The following PPP2R5A variants were observed in gnomAD, a reference collection of about 807,000 sequenced individuals.
The protein encoded by PPP2R5A is serine/threonine-protein phosphatase 2A 56 kDa regulatory subunit alpha isoform.
PPP2R5A carries 25 observed loss-of-function variants against 64.2 expected under a neutral mutation model. The observed-to-expected ratio is 0.39, with a 90% confidence interval of 0.28 to 0.54. The LOEUF is 0.54. Ranked by LOEUF, PPP2R5A falls within the 20% of genes least tolerant of loss-of-function variation. The probability of loss-of-function intolerance (pLI) is 0.67; values close to 1 mark genes in which losing one functional copy is unlikely to be tolerated. For missense variants in PPP2R5A, 425 were observed against 576.3 expected (o/e 0.74, Z 2.69); for synonymous variants, 198 against 201.2 (o/e 0.98, Z 0.13).
At chr1:212,333,408 C>G in intron 2 of PPP2R5A, 89 bp from the exon 3 acceptor site, 2 of 800,608 alleles carry the variant, frequency 2.5e-6, no homozygotes, top group South Asian at 3.3e-5. Context: ...TAACTTTTTT[C>G]TGAAAGTGAT....
rs763322752 is a variant in PPP2R5A, at chr1:212,358,734, G to T, written c.1275G>T (p.Met425Ile). The change falls in exon 12 of 13, where the codon ATG becomes ATT. Residue 425 changes from methionine to isoleucine, a missense_variant. Physicochemically the swap from Met to Ile is conservative, Grantham distance 10. Transcript: ENST00000261461. ...ATGTGCTGAAAACCCTAATGGAAAT[G>T]AATGGCAAGCTTTTCGATGACCTTA... ...VYNVLKTLME[M>I]NGKLFDDLTS... is the part of the protein sequence containing the mutation. 1 of 1,613,680 alleles carries T rather than the reference G, an allele frequency of 6.2e-7. No individual in the cohort carries two copies. Among genetic ancestry groups the T allele is most frequent in the South Asian group, 1.1e-5 (1 of 91,036 alleles).
chr1:212,311,924 G>T (rs1223154208), intron 1 of PPP2R5A, among the ~76,000 whole-genome samples: 1 of 152,136 alleles, frequency 6.6e-6, no homozygotes. Context: ...ATTGGAGAAA[G>T]AAAATGTTTT....
intron 1 of PPP2R5A, among the ~76,000 whole-genome samples, chr1:212,287,975 G>T (rs1432628892): frequency 3.3e-5 from 5 of 152,046 alleles, no homozygotes; most frequent in African/African-American, 1.2e-4. Context: ...TAAACATTTG[G>T]TTGGTTTCAA....
Position 212,333,477 on chromosome 1 carries a change from A to C in PPP2R5A, c.379-20A>C. 7.0e-7 allele frequency: 1 copy of C among 1,434,914 alleles called. No individual in the cohort carries two copies. Among genetic ancestry groups the C allele is most frequent in the Non-Finnish European group, 9.4e-7 (1 of 1,059,912 alleles). 88.9% of individuals were successfully genotyped at this position (1,434,914 alleles called of 1,614,324 possible). A position where few individuals can be genotyped will look rare whatever the true frequency, so the allele number is the denominator to read the frequency against. On this transcript the variant is annotated intron_variant, in intron 2 of 12. Coordinates refer to ENST00000261461, the MANE Select transcript of PPP2R5A (RefSeq NM_006243.4). ...AATTACACATACAACAACGAACGTAAAATTATTTTTTCTTTACAGATCAGT... is the reference window on the plus strand; with the variant it reads ...AATTACACATACAACAACGAACGTACAATTATTTTTTCTTTACAGATCAGT...
At chr1:212,322,976 C>T (rs997681625) in intron 1 of PPP2R5A, among the ~76,000 whole-genome samples, 5 of 152,030 alleles carry the variant, frequency 3.3e-5, no homozygotes, top group African/African-American at 2.4e-5. Context: ...TTAGTAGAGA[C>T]GGTGTTTCAC....
At chr1:212,330,809 A>ATTGTTGGGT (rs893204165) in intron 2 of PPP2R5A, among the ~76,000 whole-genome samples, 2 of 151,880 alleles carry the variant, frequency 1.3e-5, no homozygotes, top group African/African-American at 4.8e-5. Context: ...GAAATTTTTG[A>ATTGTTGGGT]TTGTTGGGTT....
chr1:212,331,057 A>G (rs1197826220), intron 2 of PPP2R5A, among the ~76,000 whole-genome samples: 2 of 151,074 alleles, frequency 1.3e-5, no homozygotes, highest in African/African-American at 4.9e-5. Context: ...AATCCCAACT[A>G]TTTGGGAGGC....
chr1:212,356,491 G>A lies in PPP2R5A; in HGVS notation c.928-135G>A. 3 of 772,268 alleles carry A rather than the reference G, an allele frequency of 3.9e-6. No homozygotes were observed. The Admixed American group carries it at 9.8e-5, about 25-fold the overall frequency. 47.8% of individuals were successfully genotyped at this position (772,268 alleles called of 1,614,324 possible). On this transcript the variant is annotated intron_variant, in intron 8 of 12. Transcript: ENST00000261461. ...ATAAAATTCTAAAGCTGAGCAGAAA[G>A]TCTATTTATACACATATATTAAGCA...
chr1:212,323,017 A>T (rs1659339009), intron 1 of PPP2R5A, among the ~76,000 whole-genome samples: 1 of 152,016 alleles, frequency 6.6e-6, no homozygotes, highest in Non-Finnish European at 1.5e-5. Flanking sequence ...CGATCTCCTG[A>T]CCTCGTGATC....
intron 1 of PPP2R5A, among the ~76,000 whole-genome samples, chr1:212,324,071 CAA>C (rs113062943): frequency 2.3e-5 from 3 of 129,974 alleles, no homozygotes; most frequent in Non-Finnish European, 1.7e-5. Context: ...GACTCCATCT[CAA>C]AAAAAAAAAA....
chr1:212,337,628 G>A (rs6696716), intron 3 of PPP2R5A, among the ~76,000 whole-genome samples: 11,472 of 152,042 alleles, frequency 0.075, 1,411 homozygotes, highest in African/African-American at 0.26. Flanking sequence ...AAAATAAAAA[G>A]GAATATCTTT....
chr1:212,320,934 G>A (rs1290944488), intron 1 of PPP2R5A, among the ~76,000 whole-genome samples: 8 of 107,962 alleles, frequency 7.4e-5, no homozygotes, highest in South Asian at 3.6e-4. Context: ...TGGCCGGGCG[G>A]GGGGCTGACC....
chr1:212,336,107 C>T (rs1053433932), intron 3 of PPP2R5A, among the ~76,000 whole-genome samples: 3 of 151,894 alleles, frequency 2.0e-5, no homozygotes, highest in Non-Finnish European at 4.4e-5. Flanking sequence ...ATGATTTTTT[C>T]TTTTTTTATT....
intron 1 of PPP2R5A, among the ~76,000 whole-genome samples, chr1:212,319,774 C>T (rs1243227526): frequency 6.6e-6 from 1 of 151,516 alleles, no homozygotes; most frequent in Non-Finnish European, 1.5e-5. Flanking sequence ...GTGTGCGCCA[C>T]TACACCCGGC....
chr1:212,359,276 G>A (rs1392137309), intron 12 of PPP2R5A, among the ~76,000 whole-genome samples: 2 of 152,182 alleles, frequency 1.3e-5, no homozygotes, highest in Non-Finnish European at 2.9e-5. Context: ...GTTAGCAGTA[G>A]GTAATTCTTA....
intron 1 of PPP2R5A, among the ~76,000 whole-genome samples, chr1:212,314,905 C>T (rs1021231137): frequency 1.3e-5 from 2 of 151,982 alleles, no homozygotes; most frequent in African/African-American, 2.4e-5. Context: ...CAAGTTCTTG[C>T]TGTGTTGCCC....
chr1:212,301,913 A>T, intron 1 of PPP2R5A: 1 of 1,325,702 alleles, frequency 7.5e-7, no homozygotes, highest in Non-Finnish European at 9.7e-7. Flanking sequence ...CCTCTAAGGA[A>T]AATTATAGTT....
rs1660071094 is a variant in PPP2R5A at position 212,360,995 on chromosome 1, G to GAAGT, written c.*226_*229dup. The GAAGT allele has an allele frequency of 3.2e-6, 1 of 317,218 alleles. No homozygotes were observed. Among genetic ancestry groups the GAAGT allele is most frequent in the South Asian group, 1.5e-4 (1 of 6,730 alleles). The allele number at this position is 317,218 out of a possible 1,614,324, so 19.7% of individuals were successfully genotyped here. The stretch of plus-strand genomic sequence containing the variant: ...TCATTGGATTTATTGTGTCACTTCT[G>GAAGT]AAGTTTCACAGAAATGAATGAATTT... On this transcript the variant is annotated 3_prime_UTR_variant, in exon 13 of 13. Transcript: ENST00000261461.
intron 1 of PPP2R5A, among the ~76,000 whole-genome samples, chr1:212,305,361 C>A (rs1262251521): frequency 6.6e-6 from 1 of 151,672 alleles, no homozygotes; most frequent in Non-Finnish European, 1.5e-5. Flanking sequence ...TTTCTAACTT[C>A]ATTCCTTTGT....
Sources: gnomAD v4.1 joint callset for allele counts (sites outside exome capture counted in the v4.1 genomes callset) on GRCh38, gnomAD v4.1.1 for gene constraint, MANE v1.5 for transcripts, NCBI Gene and HGNC (gene_info 2026-07-23, HGNC 2026-07-21) for gene names.